Variants in VWA8 observed in about 807,000 individuals in gnomAD.
The protein encoded by VWA8 is von Willebrand factor A domain containing 8.
Under a neutral mutation model 241.5 loss-of-function variants are expected in VWA8, and 221 were observed. That is an observed-to-expected ratio of 0.91 (90% CI 0.82 to 1.02). The LOEUF (loss-of-function observed/expected upper bound fraction) is 1.02. VWA8 is among the 50% of genes least tolerant of loss of function. VWA8 has a pLI of 0.00. For synonymous variants in VWA8, 852 were observed against 827.1 expected (o/e 1.03, Z -0.52); for missense variants, 2,322 against 2,328.7 (o/e 1.00, Z 0.06).
intron 17 of VWA8, among the ~76,000 whole-genome samples, chr13:41,793,554 T>C (rs1265704719): frequency 6.6e-6 from 1 of 152,116 alleles, no homozygotes; most frequent in Non-Finnish European, 1.5e-5. Context: ...TGGCTCACAC[T>C]TGTAATCCCA....
chr13:41,786,424 T>C (rs1241251888), intron 18 of VWA8, among the ~76,000 whole-genome samples: 1 of 152,126 alleles, frequency 6.6e-6, no homozygotes, highest in Non-Finnish European at 1.5e-5. Flanking sequence ...TAAAGATGAA[T>C]GGAACCAGAC....
Position 41,596,318 on chromosome 13 carries a change from T to C in VWA8, c.4987-5553A>G, listed in dbSNP as rs182503539. Among the ~76,000 whole-genome samples the C allele has an allele frequency of 2.3e-3, 345 of 152,138 alleles. 4 individuals are homozygous for C. The highest frequency in any genetic ancestry group is 1.2e-3 in the South Asian group (6 of 4,802). The stretch of plus-strand genomic sequence containing the variant: ...CTTGGAAACTTAAAACAGGAAGAGG[T>C]GTCAGAATGAATGCTCTTGGGGGCA... On this transcript the variant is annotated intron_variant, in intron 40 of 44. Transcript: ENST00000379310.
At chr13:41,870,407 G>A (rs1873536005) in intron 9 of VWA8, among the ~76,000 whole-genome samples, 1 of 152,186 alleles carries the variant, frequency 6.6e-6, no homozygotes, top group Non-Finnish European at 1.5e-5. Context: ...GGGAGGCAGA[G>A]ATGGGTGGAT....
chr13:41,885,569 G>C (rs964328741), intron 8 of VWA8, among the ~76,000 whole-genome samples: 2 of 152,210 alleles, frequency 1.3e-5, no homozygotes, highest in South Asian at 2.1e-4. Context: ...ATGGAAGCTA[G>C]AACAGTGTGA....
intron 2 of VWA8, chr13:41,926,449 T>C (rs369796113): frequency 1.1e-5 from 6 of 525,524 alleles, no homozygotes; most frequent in South Asian, 1.5e-5. Context: ...TCATCACTTA[T>C]GACAATGCGC....
At chr13:41,897,921 G>T (rs1277290976) in intron 4 of VWA8, among the ~76,000 whole-genome samples, 1 of 152,158 alleles carries the variant, frequency 6.6e-6, no homozygotes, top group Non-Finnish European at 1.5e-5. Flanking sequence ...CTGATTGGTA[G>T]AGCCGAGTGG....
At chr13:41,881,878 G>C (rs377664436) in intron 9 of VWA8, among the ~76,000 whole-genome samples, 2 of 144,362 alleles carry the variant, frequency 1.4e-5, no homozygotes, top group Non-Finnish European at 1.5e-5. Context: ...CCTCCCTCCC[G>C]GACGGGGCGG....
chr13:41,870,226 T>C (rs1023083416), intron 9 of VWA8, among the ~76,000 whole-genome samples: 1 of 152,024 alleles, frequency 6.6e-6, no homozygotes, highest in African/African-American at 2.4e-5. Context: ...TTCCATGTTG[T>C]AGACAAATAA....
chr13:41,866,064 A>G (rs1224392243), intron 10 of VWA8, 28 bp from the exon 11 acceptor site: 10 of 1,606,690 alleles, frequency 6.2e-6, no homozygotes, highest in Non-Finnish European at 8.5e-6. Context: ...TCAATATAAC[A>G]TGGCCAGATG....
chr13:41,570,037 A>G (rs950155265), intron 44 of VWA8, among the ~76,000 whole-genome samples: 2 of 152,190 alleles, frequency 1.3e-5, no homozygotes, highest in Non-Finnish European at 2.9e-5. Context: ...GTGTGTATAT[A>G]TATGTCTAAT....
At chr13:41,648,146 G>A (rs1213948098) in intron 37 of VWA8, among the ~76,000 whole-genome samples, 1 of 152,106 alleles carries the variant, frequency 6.6e-6, no homozygotes, top group African/African-American at 2.4e-5. Context: ...GCCTTTGGAC[G>A]GTGTCGGTAG....
In VWA8 at chr13:41,955,316, G is replaced by A. The variant is rs367935202; in HGVS notation, c.164-5303C>T. Among the ~76,000 whole-genome samples the A allele has an allele frequency of 6.6e-5, 10 of 152,216 alleles. No individual in the cohort carries two copies. The East Asian group carries it at 1.2e-3, about 18-fold the overall frequency. On this transcript the variant is annotated intron_variant, in intron 1 of 44. Coordinates refer to ENST00000379310, the MANE Select transcript of VWA8 (RefSeq NM_015058.2). ...ACTTGAACTAGACTCAAATACTATT[G>A]AAGTGTCTAAAGTGCCTGAACCTTG...
intron 2 of VWA8, among the ~76,000 whole-genome samples, chr13:41,922,612 C>A (rs978147907): frequency 3.9e-5 from 6 of 152,064 alleles, no homozygotes; most frequent in Non-Finnish European, 5.9e-5. Flanking sequence ...ACCCGATCAA[C>A]AAGTGGGCAA....
rs556975645 is a variant in VWA8 at position 41,597,542 on chromosome 13, T to C, written c.4987-6777A>G. Among the ~76,000 whole-genome samples, 12 of 152,276 alleles carry C rather than the reference T, an allele frequency of 7.9e-5. No individual in the cohort carries two copies. The South Asian group carries it at 2.3e-3, about 29-fold the overall frequency. ...GGTGAATCATCTATGGTGATTCTCA[T>C]TAGAAGAGTTTATATTCTTGGATGG... On this transcript the variant is annotated intron_variant, in intron 40 of 44. Coordinates refer to ENST00000379310, the MANE Select transcript of VWA8 (RefSeq NM_015058.2).
intron 40 of VWA8, among the ~76,000 whole-genome samples, chr13:41,601,436 ATTGT>A (rs2044520817): frequency 6.6e-6 from 1 of 152,154 alleles, no homozygotes; most frequent in African/African-American, 2.4e-5. Context: ...AAGGAACATA[ATTGT>A]TTGTTCATGG....
intron 9 of VWA8, among the ~76,000 whole-genome samples, chr13:41,871,670 G>A (rs1400111582): frequency 1.3e-5 from 2 of 152,196 alleles, no homozygotes; most frequent in African/African-American, 4.8e-5. Flanking sequence ...ATTCCATGGT[G>A]TATATGTGCC....
chr13:41,675,124 C>CA, intron 36 of VWA8, 91 bp downstream of exon 36: 2 of 834,774 alleles, frequency 2.4e-6, no homozygotes, highest in Non-Finnish European at 3.6e-6. Flanking sequence ...TTTAAAGAAG[C>CA]AAAAAAGTAC....
intron 14 of VWA8, among the ~76,000 whole-genome samples, chr13:41,824,826 G>C: frequency 9.3e-6 from 1 of 107,928 alleles, no homozygotes; most frequent in Non-Finnish European, 1.9e-5. Flanking sequence ...AAAAGAAAAA[G>C]AAACAGAAAA....
chr13:41,709,052 A>C (rs2045300448), intron 26 of VWA8, among the ~76,000 whole-genome samples: 1 of 152,226 alleles, frequency 6.6e-6, no homozygotes, highest in South Asian at 2.1e-4. Flanking sequence ...CACGACAAGA[A>C]TAACTGGGAC....
Sources: allele counts gnomAD v4.1 joint callset (sites outside exome capture counted in the v4.1 genomes callset), GRCh38; gene constraint gnomAD v4.1.1; transcripts MANE v1.5; gene names NCBI Gene and HGNC (gene_info 2026-07-23, HGNC 2026-07-21).